EIF4G3: variants seen among roughly 807,000 people sequenced by gnomAD.
EIF4G3 encodes the protein eukaryotic translation initiation factor 4 gamma 3.
Under a neutral mutation model 186.4 loss-of-function variants are expected in EIF4G3, and 34 were observed. The ratio of observed to expected loss-of-function variants is 0.18; its 90% confidence interval spans 0.14 to 0.24. The LOEUF is 0.24. EIF4G3 is among the 10% of genes least tolerant of loss of function. The probability of loss-of-function intolerance (pLI) is 1.00; values close to 1 mark genes in which losing one functional copy is unlikely to be tolerated. For synonymous variants in EIF4G3, 673 were observed against 679.5 expected (o/e 0.99, Z 0.15); for missense variants, 1,536 against 1,948.5 (o/e 0.79, Z 3.99).
chr1:21,176,435 C>T, intron 1 of EIF4G3, 77 bp from the exon 2 acceptor site: 1 of 175,258 alleles, frequency 5.7e-6, no homozygotes, highest in Non-Finnish European at 1.2e-5. Context: ...GGACCGGGCG[C>T]GCCGGGGTGC....
In EIF4G3 at chr1:20,860,452, A is replaced by G; in HGVS notation, c.3177T>C (p.Ala1059=). 1 of 1,614,008 alleles carries G rather than the reference A, an allele frequency of 6.2e-7. No individual in the cohort carries two copies. Among genetic ancestry groups the G allele is most frequent in the Non-Finnish European group, 8.5e-7 (1 of 1,179,992 alleles). Residue 1059 remains alanine, a synonymous_variant, in exon 24 of 37, where the codon GCT becomes GCC. Transcript: ENST00000602326. ...TTTGCTCTTCTTGTTCTTCTATTTTAGCCTCTTTGTGAATCTGTTCGATAG... is the reference window on the plus strand; with the variant it reads ...TTTGCTCTTCTTGTTCTTCTATTTTGGCCTCTTTGTGAATCTGTTCGATAG... ...PKTIEQIHKE[A]KIEEQEEQRK...
chr1:20,879,303 A>G lies in EIF4G3; in HGVS notation c.2622+20T>C. 1 of 1,549,976 alleles carries G rather than the reference A, an allele frequency of 6.5e-7. No homozygotes were observed. Among genetic ancestry groups the G allele is most frequent in the Non-Finnish European group, 8.7e-7 (1 of 1,145,874 alleles). ...ATACCTCTTGAAGATTTCTCGTTTT[A>G]CTCCTTCCTCTCTTCTTACCGTTAC... On this transcript the variant is annotated intron_variant, in intron 20 of 36. Coordinates refer to ENST00000602326, the MANE Select transcript of EIF4G3 (RefSeq NM_001391906.1).
At chr1:20,921,234 CAAAAGCCAAG>C (rs1163153461) in intron 14 of EIF4G3, among the ~76,000 whole-genome samples, 1 of 151,934 alleles carries the variant, frequency 6.6e-6, no homozygotes, top group Non-Finnish European at 1.5e-5. Context: ...AATGAAAAAG[CAAAAGCCAAG>C]AAAAGCCAAT....
chr1:20,928,468 TC>T (rs1255766409), intron 14 of EIF4G3, among the ~76,000 whole-genome samples: 2 of 151,648 alleles, frequency 1.3e-5, no homozygotes, highest in Non-Finnish European at 2.9e-5. Flanking sequence ...AGTGGTGTGA[TC>T]TCGGCTCACT....
intron 18 of EIF4G3, among the ~76,000 whole-genome samples, chr1:20,887,097 C>T (rs955077512): frequency 6.6e-6 from 1 of 152,018 alleles, no homozygotes; most frequent in Admixed American, 6.6e-5. Context: ...AATAATTTTT[C>T]AAGGTTAAAT....
At chr1:21,075,517 C>T (rs1248239497) in intron 3 of EIF4G3, among the ~76,000 whole-genome samples, 3 of 134,606 alleles carry the variant, frequency 2.2e-5, no homozygotes, top group Admixed American at 8.7e-5. Context: ...TGCAGCAAGC[C>T]GAGATTATGC....
intron 33 of EIF4G3, among the ~76,000 whole-genome samples, chr1:20,822,903 T>C (rs1424844517): frequency 2.6e-5 from 4 of 152,202 alleles, no homozygotes; most frequent in Non-Finnish European, 4.4e-5. Flanking sequence ...TCAGTATGCA[T>C]TGCCCTAATT....
At chr1:20,884,551 T>C (rs1321153738) in intron 19 of EIF4G3, among the ~76,000 whole-genome samples, 2 of 152,358 alleles carry the variant, frequency 1.3e-5, no homozygotes, top group Admixed American at 1.3e-4. Context: ...TAAGCATTTC[T>C]CACGGAGATT....
chr1:20,814,245 C>T (rs1368623736), intron 34 of EIF4G3, among the ~76,000 whole-genome samples: 3 of 152,168 alleles, frequency 2.0e-5, no homozygotes, highest in African/African-American at 7.2e-5. Context: ...GGATTACAGG[C>T]ATGAACCATC....
intron 3 of EIF4G3, among the ~76,000 whole-genome samples, 157 bp downstream of exon 3, chr1:21,088,981 A>G (rs1178243816): frequency 6.6e-6 from 1 of 152,230 alleles, no homozygotes; most frequent in African/African-American, 2.4e-5. Flanking sequence ...TCTTAGATTA[A>G]GATGATATGG....
intron 7 of EIF4G3, among the ~76,000 whole-genome samples, chr1:20,986,182 C>T (rs944480396): frequency 5.3e-5 from 8 of 152,094 alleles, no homozygotes; most frequent in Non-Finnish European, 8.8e-5. Context: ...TGGGGTCTGC[C>T]CAGAATGTAC....
intron 30 of EIF4G3, among the ~76,000 whole-genome samples, chr1:20,834,331 G>T (rs1389507670): frequency 6.6e-6 from 1 of 151,994 alleles, no homozygotes. Context: ...CATGGCTGTG[G>T]TCCCAACTAC....
intron 7 of EIF4G3, among the ~76,000 whole-genome samples, chr1:20,987,799 T>C (rs2079928310): frequency 1.3e-5 from 2 of 152,222 alleles, no homozygotes; most frequent in South Asian, 4.1e-4. Context: ...GTGGCCTCTA[T>C]ATGGTCTTGT....
At chr1:21,013,296 A>T (rs2154570111) in intron 4 of EIF4G3, among the ~76,000 whole-genome samples, 1 of 152,312 alleles carries the variant, frequency 6.6e-6, no homozygotes, top group African/African-American at 2.4e-5. Context: ...GAAATTTTTT[A>T]AAATATTAAA....
At chr1:21,050,524 G>A (rs574290587) in intron 4 of EIF4G3, among the ~76,000 whole-genome samples, 11 of 152,314 alleles carry the variant, frequency 7.2e-5, no homozygotes, top group Non-Finnish European at 1.6e-4. Flanking sequence ...TGCTTCACCC[G>A]AAAGGGGTGC....
At chr1:20,960,286 C>T (rs555690946) in intron 12 of EIF4G3, among the ~76,000 whole-genome samples, 1 of 151,984 alleles carries the variant, frequency 6.6e-6, no homozygotes, top group Non-Finnish European at 1.5e-5. Context: ...GGCCAACAGG[C>T]GAAACCCTGT....
At chr1:20,984,721 C>G (rs113212926) in intron 7 of EIF4G3, among the ~76,000 whole-genome samples, 14,035 of 151,854 alleles carry the variant, frequency 0.092, 873 homozygotes, top group East Asian at 0.26. Flanking sequence ...TCCTGAGTAG[C>G]TGGGACTACA....
At chr1:21,141,619 G>A (rs1373290214) in intron 2 of EIF4G3, among the ~76,000 whole-genome samples, 5 of 152,002 alleles carry the variant, frequency 3.3e-5, no homozygotes, top group Non-Finnish European at 2.9e-5. Flanking sequence ...GCAGGGAATA[G>A]AAAAATGTTT....
At chr1:21,172,927 T>G (rs929850280) in intron 2 of EIF4G3, among the ~76,000 whole-genome samples, 3 of 147,520 alleles carry the variant, frequency 2.0e-5, no homozygotes, top group African/African-American at 7.4e-5. Flanking sequence ...GATCACAAGG[T>G]CAGGAGATCA....
Sources: gnomAD v4.1 joint callset for allele counts (sites outside exome capture counted in the v4.1 genomes callset) on GRCh38, gnomAD v4.1.1 for gene constraint, MANE v1.5 for transcripts, NCBI Gene and HGNC (gene_info 2026-07-23, HGNC 2026-07-21) for gene names.